The following SLAIN1 variants were observed in gnomAD, a reference collection of about 807,000 sequenced individuals.
SLAIN1 encodes the protein SLAIN family member 1.
SLAIN1 carries 17 observed loss-of-function variants against 55.4 expected under a neutral mutation model. That is an observed-to-expected ratio of 0.31 (90% CI 0.21 to 0.46). The LOEUF (loss-of-function observed/expected upper bound fraction) is 0.46, where lower values mean the gene tolerates loss of function less well. SLAIN1 is among the 20% of genes least tolerant of loss of function. SLAIN1 has a pLI of 1.00. For synonymous variants in SLAIN1, 348 were observed against 337.4 expected (o/e 1.03, Z -0.35); for missense variants, 682 against 785.1 (o/e 0.87, Z 1.57).
chr13:77,760,610 C>A (rs529698580), intron 5 of SLAIN1, among the ~76,000 whole-genome samples: 1 of 152,288 alleles, frequency 6.6e-6, no homozygotes, highest in South Asian at 2.1e-4. Flanking sequence ...CTGCATATAG[C>A]CAGGCACTCC....
intron 5 of SLAIN1, among the ~76,000 whole-genome samples, chr13:77,758,555 T>C (rs1363914402): frequency 2.0e-5 from 3 of 152,200 alleles, no homozygotes; most frequent in African/African-American, 4.8e-5. Context: ...TTTTATGGCT[T>C]CAGGTCTTAT....
Position 77,708,486 on chromosome 13 carries a change from T to C in SLAIN1, c.626+9947T>C, listed in dbSNP as rs189727978. On this transcript the variant is annotated intron_variant, in intron 1 of 6. Transcript: ENST00000418532. The stretch of plus-strand genomic sequence containing the variant: ...AGAAACATGAATTCTCCAGCAGGGG[T>C]TGACAGACACCTCATACGGGAGAGC... 3.5e-4 allele frequency among the ~76,000 whole-genome samples: 53 copies of C among 152,172 alleles called. 1 individual carries two copies. The East Asian group carries it at 7.2e-3, about 21-fold the overall frequency.
In SLAIN1 at chr13:77,713,944, T is replaced by C. The variant is rs569293816; in HGVS notation, c.627-5588T>C. On this transcript the variant is annotated intron_variant, in intron 1 of 6. Transcript: ENST00000418532. The stretch of plus-strand genomic sequence containing the variant: ...GGAACAGAAAACCAAACACTGCATG[T>C]TCTCACTCATAGGTGGGAGTTGAAC... Among the ~76,000 whole-genome samples the C allele has an allele frequency of 3.3e-5, 5 of 152,126 alleles. No individual in the cohort carries two copies. The South Asian group carries it at 6.2e-4, about 19-fold the overall frequency.
At chr13:77,762,602 G>C (rs937331664) in intron 6 of SLAIN1, among the ~76,000 whole-genome samples, 8 of 152,096 alleles carry the variant, frequency 5.3e-5, no homozygotes, top group African/African-American at 1.7e-4. Context: ...GTCTTGCTAT[G>C]TTGCCCAAGC....
At chr13:77,705,322 T>C (rs938653738) in intron 1 of SLAIN1, among the ~76,000 whole-genome samples, 4 of 151,900 alleles carry the variant, frequency 2.6e-5, no homozygotes, top group African/African-American at 9.7e-5. Flanking sequence ...TTCTGGTGTG[T>C]GTGGTTTGGA....
chr13:77,754,047 A>G (rs939029965), intron 5 of SLAIN1, among the ~76,000 whole-genome samples: 2 of 152,078 alleles, frequency 1.3e-5, no homozygotes, highest in Non-Finnish European at 2.9e-5. Context: ...TGCTGTCTAT[A>G]TGGGTTGTTG....
chr13:77,747,807 C>T (rs1873940534), intron 4 of SLAIN1, among the ~76,000 whole-genome samples: 2 of 152,076 alleles, frequency 1.3e-5, no homozygotes, highest in African/African-American at 4.8e-5. Flanking sequence ...CTGTGTCATT[C>T]GTTTATTCTA....
intron 1 of SLAIN1, 100 bp from the exon 2 acceptor site, chr13:77,719,432 C>G: frequency 1.3e-6 from 1 of 786,312 alleles, no homozygotes; most frequent in South Asian, 2.6e-5. Context: ...AATATGAGTT[C>G]TGTTTCTATG....
intron 2 of SLAIN1, among the ~76,000 whole-genome samples, chr13:77,728,477 A>G (rs1393636619): frequency 4.6e-5 from 7 of 152,182 alleles, no homozygotes; most frequent in Non-Finnish European, 4.4e-5. Context: ...ACTTTTCACA[A>G]ATAGTGGAGG....
intron 2 of SLAIN1, among the ~76,000 whole-genome samples, chr13:77,730,004 C>T (rs2091342399): frequency 6.6e-6 from 1 of 151,846 alleles, no homozygotes; most frequent in Non-Finnish European, 1.5e-5. Context: ...TAGGATAAGC[C>T]ATAACTCAAA....
chr13:77,741,045 A>C, intron 2 of SLAIN1: 1 of 478,452 alleles, frequency 2.1e-6, no homozygotes, highest in African/African-American at 2.1e-5. Context: ...AGCCACAATA[A>C]CTGTGTCAAT....
At chr13:77,760,133 A>G (rs1340253417) in intron 5 of SLAIN1, among the ~76,000 whole-genome samples, 2 of 152,188 alleles carry the variant, frequency 1.3e-5, no homozygotes, top group Admixed American at 6.5e-5. Flanking sequence ...ATAAGTTTCT[A>G]TTAAATTTGA....
At position 77,718,347 on chromosome 13, in the gene SLAIN1, G is replaced by A. The variant is rs74239793; in HGVS notation, c.627-1185G>A. Among the ~76,000 whole-genome samples, 7 of 152,168 alleles carry A rather than the reference G, an allele frequency of 4.6e-5. No individual in the cohort carries two copies. The East Asian group carries it at 1.2e-3, about 25-fold the overall frequency. On this transcript the variant is annotated intron_variant, in intron 1 of 6. Transcript: ENST00000418532. ...TAAAGGAACACAGCCACGTTTATTC[G>A]CTTACATATTGTCTAGGATGCCTTT...
At chr13:77,700,000 T>C (rs1224955261) in intron 1 of SLAIN1, among the ~76,000 whole-genome samples, 1 of 152,208 alleles carries the variant, frequency 6.6e-6, no homozygotes, top group Non-Finnish European at 1.5e-5. Context: ...TTTCTGATGG[T>C]ATGTATGTAA....
At position 77,706,921 on chromosome 13, in the gene SLAIN1, C is replaced by G. The variant is rs1311421023; in HGVS notation, c.626+8382C>G. Among the ~76,000 whole-genome samples the G allele has an allele frequency of 2.0e-5, 3 of 152,112 alleles. No homozygotes were observed. In the East Asian group the frequency reaches 5.8e-4, roughly 29 times the overall value. ...AGTGCACTGTGTTTGGATATCTAAT[C>G]CTTTTTGACTTTTTCTTTTGCTTCC... On this transcript the variant is annotated intron_variant, in intron 1 of 6. Transcript: ENST00000418532.
At chr13:77,737,828 C>A (rs560658825) in intron 2 of SLAIN1, among the ~76,000 whole-genome samples, 1 of 152,038 alleles carries the variant, frequency 6.6e-6, no homozygotes, top group Non-Finnish European at 1.5e-5. Flanking sequence ...ACTTGCCTGT[C>A]TTCTGTAGTA....
chr13:77,763,563 C>G lies in SLAIN1; in HGVS notation c.*343C>G, dbSNP rs1013874750. The G allele has an allele frequency of 4.8e-6, 1 of 207,188 alleles. No individual in the cohort carries two copies. Among genetic ancestry groups the G allele is most frequent in the Admixed American group, 5.3e-5 (1 of 18,842 alleles). The allele number at this position is 207,188 out of a possible 1,614,324, so 12.8% of individuals were successfully genotyped here. On this transcript the variant is annotated 3_prime_UTR_variant, in exon 7 of 7. Coordinates refer to ENST00000418532, the MANE Select transcript of SLAIN1 (RefSeq NM_001242868.2). ...TTTTTAAAGTAACTTGTTCAATTTA[C>G]TCACGTGTTCTAAACATCTTTCCAT...
Position 77,719,521 on chromosome 13 carries a change from CT to C in SLAIN1, c.627-4del, listed in dbSNP as rs1566226864. ...TATATCATACCTATAATGTAGATTT[CT>C]TTTTTTAAGGTTATACATTGGCTCT... On this transcript the variant is annotated splice_polypyrimidine_tract_variant and intron_variant, in intron 1 of 6. Coordinates refer to ENST00000418532, the MANE Select transcript of SLAIN1 (RefSeq NM_001242868.2). 6.2e-7 allele frequency: 1 copy of C among 1,605,926 alleles called. No individual in the cohort carries two copies. The highest frequency in any genetic ancestry group is 1.1e-5 in the South Asian group (1 of 90,696).
At chr13:77,752,453 G>A (rs1874297229) in intron 4 of SLAIN1, among the ~76,000 whole-genome samples, 1 of 151,970 alleles carries the variant, frequency 6.6e-6, no homozygotes, top group Non-Finnish European at 1.5e-5. Context: ...TCTTTTTATA[G>A]AAGTTTCGTT....
Sources: allele counts gnomAD v4.1 joint callset (sites outside exome capture counted in the v4.1 genomes callset), GRCh38; gene constraint gnomAD v4.1.1; transcripts MANE v1.5; gene names NCBI Gene and HGNC (gene_info 2026-07-23, HGNC 2026-07-21).